ZBTB20: variants seen among roughly 807,000 people sequenced by gnomAD.
ZBTB20 encodes zinc finger and BTB domain containing 20.
A neutral mutation model predicts 56.9 loss-of-function variants in ZBTB20; 9 were observed. The ratio of observed to expected loss-of-function variants is 0.16; its 90% CI spans 0.10 to 0.28. ZBTB20 has a LOEUF of 0.28. Among genes scored for constraint, ZBTB20 ranks in the 10% least tolerant of loss-of-function variants. The probability of loss-of-function intolerance (pLI) is 1.00; values close to 1 mark genes in which losing one functional copy is unlikely to be tolerated. For synonymous variants in ZBTB20, 417 were observed against 420.7 expected (o/e 0.99, Z 0.11); for missense variants, 655 against 1,003.0 (o/e 0.65, Z 4.69).
intron 6 of ZBTB20, among the ~76,000 whole-genome samples, chr3:114,565,562 G>C (rs2052615801): frequency 1.3e-5 from 2 of 152,082 alleles, no homozygotes; most frequent in Admixed American, 6.6e-5. Context: ...AGAGTAGCTG[G>C]AACAGGCATA....
intron 3 of ZBTB20, among the ~76,000 whole-genome samples, chr3:114,903,742 T>C (rs2075215503): frequency 6.6e-6 from 1 of 152,000 alleles, no homozygotes; most frequent in Non-Finnish European, 1.5e-5. Flanking sequence ...ACAAAATGAA[T>C]ATAATTACTC....
At chr3:114,380,570 C>G (rs1489657883) in intron 9 of ZBTB20, among the ~76,000 whole-genome samples, 166 bp from the exon 10 acceptor site, 1 of 151,718 alleles carries the variant, frequency 6.6e-6, no homozygotes, top group Non-Finnish European at 1.5e-5. Flanking sequence ...TTTTTTCCCT[C>G]CAGTAATGGC....
intron 7 of ZBTB20, among the ~76,000 whole-genome samples, chr3:114,413,753 A>G (rs531870312): frequency 6.6e-6 from 1 of 152,236 alleles, no homozygotes; most frequent in South Asian, 2.1e-4. Flanking sequence ...TGCAGCAACT[A>G]TTATCATCTC....
chr3:114,799,401 G>A (rs542611257), intron 5 of ZBTB20, among the ~76,000 whole-genome samples: 1 of 152,036 alleles, frequency 6.6e-6, no homozygotes, highest in African/African-American at 2.4e-5. Context: ...TAAGGGGCTG[G>A]GAGATGGATA....
At chr3:114,839,457 A>AAGAAAGAG (rs1560306786) in intron 4 of ZBTB20, among the ~76,000 whole-genome samples, 4 of 151,162 alleles carry the variant, frequency 2.6e-5, no homozygotes, top group Non-Finnish European at 4.4e-5. Context: ...GAAAGAAAGA[A>AAGAAAGAG]AGAAAGAAAG....
At chr3:115,143,937 T>A (rs543311310) in intron 1 of ZBTB20, among the ~76,000 whole-genome samples, 44 of 152,304 alleles carry the variant, frequency 2.9e-4, no homozygotes, top group Non-Finnish European at 5.6e-4. Flanking sequence ...GTTTTAAAGT[T>A]TCATTAAAAA....
At chr3:114,492,122 G>A (rs931978863) in intron 7 of ZBTB20, among the ~76,000 whole-genome samples, 6 of 151,700 alleles carry the variant, frequency 4.0e-5, no homozygotes, top group African/African-American at 9.7e-5. Flanking sequence ...TTCTACCAGC[G>A]GATTAAATAT....
chr3:114,374,129 G>T (rs532198640), intron 10 of ZBTB20, among the ~76,000 whole-genome samples: 1 of 152,244 alleles, frequency 6.6e-6, no homozygotes, highest in South Asian at 2.1e-4. Flanking sequence ...ATTCCAAAGA[G>T]ATTATATATC....
chr3:114,804,878 A>C (rs925948669), intron 4 of ZBTB20, among the ~76,000 whole-genome samples: 1 of 151,906 alleles, frequency 6.6e-6, no homozygotes, highest in African/African-American at 2.4e-5. Context: ...AAATAATAGT[A>C]ATTCTTTAAT....
chr3:115,030,796 G>A (rs780209552), intron 2 of ZBTB20, among the ~76,000 whole-genome samples: 11 of 151,076 alleles, frequency 7.3e-5, no homozygotes, highest in African/African-American at 9.7e-5. Flanking sequence ...TATACAAACC[G>A]TGTCCCACAA....
At chr3:114,817,450 G>A (rs902676162) in intron 4 of ZBTB20, among the ~76,000 whole-genome samples, 20 of 151,750 alleles carry the variant, frequency 1.3e-4, no homozygotes, top group African/African-American at 4.6e-4. Context: ...CCTGGGAGGC[G>A]GAGGTTGCGG....
intron 7 of ZBTB20, among the ~76,000 whole-genome samples, chr3:114,428,132 A>T (rs2089842240): frequency 1.3e-5 from 2 of 152,188 alleles, no homozygotes; most frequent in African/African-American, 4.8e-5. Context: ...TTGTAAAAAG[A>T]AGAGAAAATA....
chr3:115,077,988 T>C (rs139129723), intron 1 of ZBTB20, among the ~76,000 whole-genome samples: 2 of 152,160 alleles, frequency 1.3e-5, no homozygotes, highest in African/African-American at 4.8e-5. Flanking sequence ...GACAACCCAA[T>C]AGGTACTACT....
intron 6 of ZBTB20, among the ~76,000 whole-genome samples, chr3:114,550,418 C>T (rs552714939): frequency 2.0e-5 from 3 of 152,334 alleles, no homozygotes; most frequent in Admixed American, 2.0e-4. Context: ...TCCACATTCA[C>T]TGTGGATAGG....
At chr3:114,715,356 T>C (rs977290405) in intron 5 of ZBTB20, among the ~76,000 whole-genome samples, 1 of 152,192 alleles carries the variant, frequency 6.6e-6, no homozygotes, top group Non-Finnish European at 1.5e-5. Context: ...TCATACCTTT[T>C]TCCCCTCCGG....
chr3:115,005,745 T>G (rs1177375841), intron 2 of ZBTB20, among the ~76,000 whole-genome samples: 1 of 151,840 alleles, frequency 6.6e-6, no homozygotes, highest in African/African-American at 2.4e-5. Flanking sequence ...ATTTCCATCC[T>G]GGACCACTGA....
intron 2 of ZBTB20, among the ~76,000 whole-genome samples, chr3:114,976,429 C>G (rs2078101170): frequency 6.6e-6 from 1 of 152,066 alleles, no homozygotes; most frequent in Non-Finnish European, 1.5e-5. Context: ...AGTTCAAGAC[C>G]AGCCTGCTCA....
intron 7 of ZBTB20, among the ~76,000 whole-genome samples, chr3:114,469,929 T>C (rs1474145838): frequency 6.6e-6 from 1 of 152,100 alleles, no homozygotes; most frequent in Non-Finnish European, 1.5e-5. Context: ...TTATTCACCA[T>C]AAATTAAAGA....
intron 5 of ZBTB20, among the ~76,000 whole-genome samples, chr3:114,776,287 T>C (rs912505400): frequency 2.0e-5 from 3 of 151,708 alleles, no homozygotes; most frequent in East Asian, 1.9e-4. Flanking sequence ...TTTGCAGGTA[T>C]AATTAAATTA....
Sources: gnomAD v4.1 joint callset for allele counts (sites outside exome capture counted in the v4.1 genomes callset) on GRCh38, gnomAD v4.1.1 for gene constraint, MANE v1.5 for transcripts, NCBI Gene and HGNC (gene_info 2026-07-23, HGNC 2026-07-21) for gene names.